The following KCTD8 variants were observed in gnomAD, a reference collection of about 807,000 sequenced individuals.
KCTD8 encodes potassium channel tetramerization domain containing 8, also known as BTB/POZ domain-containing protein KCTD8.
In KCTD8, 27 loss-of-function variants were observed where a neutral mutation model predicts 31.5. The observed-to-expected ratio is 0.86, with a 90% confidence interval of 0.63 to 1.18. The LOEUF is 1.18. Among genes scored for constraint, KCTD8 ranks in the 50% most tolerant of loss-of-function variants. The pLI is 0.00. For missense variants in KCTD8, 658 were observed against 647.7 expected, an observed-to-expected ratio of 1.02 and a Z score of -0.17; for synonymous variants, 290 against 280.0, an observed-to-expected ratio of 1.04 and a Z score of -0.36.
chr4:44,416,224 G>A (rs188533911), intron 1 of KCTD8, among the ~76,000 whole-genome samples: 4 of 152,278 alleles, frequency 2.6e-5, no homozygotes, highest in East Asian at 1.9e-4. Context: ...TTTTAGAAGA[G>A]GAATGTTTGT....
intron 1 of KCTD8, among the ~76,000 whole-genome samples, chr4:44,436,112 T>C (rs1721637712): frequency 6.6e-6 from 1 of 152,096 alleles, no homozygotes; most frequent in South Asian, 2.1e-4. Context: ...CTGACACCAC[T>C]CACATCAACT....
At chr4:44,301,665 G>A (rs573863697) in intron 1 of KCTD8, among the ~76,000 whole-genome samples, 1 of 152,186 alleles carries the variant, frequency 6.6e-6, no homozygotes. Flanking sequence ...CATTTCATAG[G>A]TTGCCTGTTC....
At chr4:44,179,909 T>C (rs1422601790) in intron 1 of KCTD8, among the ~76,000 whole-genome samples, 1 of 152,166 alleles carries the variant, frequency 6.6e-6, no homozygotes, top group Non-Finnish European at 1.5e-5. Flanking sequence ...TTACTCTAGT[T>C]GCCCAGTTTT....
intron 1 of KCTD8, among the ~76,000 whole-genome samples, chr4:44,246,048 C>T (rs144544998): frequency 1.3e-5 from 2 of 151,938 alleles, no homozygotes; most frequent in East Asian, 1.9e-4. Context: ...AATGTCTGAC[C>T]CCCAAAATTA....
chr4:44,382,585 C>G (rs112909260), intron 1 of KCTD8, among the ~76,000 whole-genome samples: 1 of 151,594 alleles, frequency 6.6e-6, no homozygotes, highest in Non-Finnish European at 1.5e-5. Context: ...AAAAAATTAC[C>G]CGGGCGTGGT....
intron 1 of KCTD8, among the ~76,000 whole-genome samples, chr4:44,347,502 G>A (rs1719064475): frequency 6.6e-6 from 1 of 152,172 alleles, no homozygotes; most frequent in East Asian, 1.9e-4. Flanking sequence ...GATCCTGGAA[G>A]AGGAGTTCCA....
rs1280175125 is a variant in KCTD8 at position 44,447,776 on chromosome 4, C to T, written c.748G>A (p.Asp250Asn). The change falls in exon 1 of 2, where the codon GAC (aspartate) becomes AAC (asparagine). Residue 250 changes from aspartate to asparagine, a missense_variant. Transcript: ENST00000360029. Reference protein sequence around the residue: ...RIALAKEVFGDTLNESRDPDR... With the variant: ...RIALAKEVFGNTLNESRDPDR... ...GGGTCGCGGCTCTCGTTGAGCGTGTCCCCGAAGACCTCCTTGGCCAGCGCG... is the reference window on the plus strand; with the variant it reads ...GGGTCGCGGCTCTCGTTGAGCGTGTTCCCGAAGACCTCCTTGGCCAGCGCG... The T allele has an allele frequency of 6.2e-7, 1 of 1,610,764 alleles. No homozygotes were observed. Among genetic ancestry groups the T allele is most frequent in the African/African-American group, 1.3e-5 (1 of 75,008 alleles).
At chr4:44,194,066 A>G (rs1713855731) in intron 1 of KCTD8, among the ~76,000 whole-genome samples, 1 of 152,160 alleles carries the variant, frequency 6.6e-6, no homozygotes, top group South Asian at 2.1e-4. Flanking sequence ...CTTGTCAGGT[A>G]CCATAATTTC....
At chr4:44,401,527 G>A (rs935885933) in intron 1 of KCTD8, among the ~76,000 whole-genome samples, 1 of 152,004 alleles carries the variant, frequency 6.6e-6, no homozygotes, top group African/African-American at 2.4e-5. Flanking sequence ...TCATAGTAAG[G>A]GTATAACTAA....
chr4:44,205,106 T>C (rs17641467), intron 1 of KCTD8, among the ~76,000 whole-genome samples: 18,225 of 152,182 alleles, frequency 0.12, 1,395 homozygotes, highest in East Asian at 0.25. Flanking sequence ...AATAAATATG[T>C]ATACATGCAA....
At chr4:44,298,132 C>A (rs893550325) in intron 1 of KCTD8, among the ~76,000 whole-genome samples, 1 of 152,034 alleles carries the variant, frequency 6.6e-6, no homozygotes, top group Non-Finnish European at 1.5e-5. Context: ...AAAATATACA[C>A]CACAAGAAGA....
chr4:44,283,025 TTTATTATTA>T (rs58754915), intron 1 of KCTD8, among the ~76,000 whole-genome samples: 3,234 of 136,270 alleles, frequency 0.024, 60 homozygotes, highest in African/African-American at 0.051. Flanking sequence ...AACAACACAT[TTTATTATTA>T]TTATTATTAT....
chr4:44,259,429 A>T (rs1577579170), intron 1 of KCTD8, among the ~76,000 whole-genome samples: 1 of 151,908 alleles, frequency 6.6e-6, no homozygotes, highest in Admixed American at 6.6e-5. Context: ...TTTCAAGTAC[A>T]TATGGCCATA....
intron 1 of KCTD8, among the ~76,000 whole-genome samples, chr4:44,320,503 C>G (rs1401149683): frequency 6.6e-6 from 1 of 152,166 alleles, no homozygotes; most frequent in East Asian, 1.9e-4. Flanking sequence ...TATGCCTACT[C>G]ATTGGGACTT....
intron 1 of KCTD8, among the ~76,000 whole-genome samples, chr4:44,265,228 G>T (rs927209069): frequency 5.3e-5 from 8 of 152,038 alleles, no homozygotes; most frequent in Non-Finnish European, 7.4e-5. Flanking sequence ...CAGCATTCAC[G>T]GTTCACGAAA....
intron 1 of KCTD8, among the ~76,000 whole-genome samples, chr4:44,200,006 C>A (rs899023477): frequency 1.4e-4 from 21 of 151,410 alleles, no homozygotes; most frequent in African/African-American, 5.1e-4. Flanking sequence ...AAAAAAGATC[C>A]TGAAAGGGTA....
chr4:44,330,024 G>C (rs914200629), intron 1 of KCTD8, among the ~76,000 whole-genome samples: 2 of 151,636 alleles, frequency 1.3e-5, no homozygotes, highest in Non-Finnish European at 3.0e-5. Flanking sequence ...TATACCCACT[G>C]TATGTTCTAT....
chr4:44,191,688 C>A (rs1017901835), intron 1 of KCTD8, among the ~76,000 whole-genome samples: 13 of 152,072 alleles, frequency 8.5e-5, no homozygotes, highest in Non-Finnish European at 1.9e-4. Flanking sequence ...GGGAAAAAAT[C>A]CCGCCCTGGT....
In KCTD8 at chr4:44,444,798, G is replaced by C. The variant is rs181137772; in HGVS notation, c.961+2765C>G. ...CTCAGGTGTGGTGGGGGTGACGGGG[G>C]TTGGGGGGGAATAACATTGATGCTC... is the stretch of plus-strand genomic sequence containing the variant. On this transcript the variant is annotated intron_variant, in intron 1 of 1. Transcript: ENST00000360029. Among the ~76,000 whole-genome samples, 679 of 135,520 alleles carry C rather than the reference G, an allele frequency of 5.0e-3. 5 individuals are homozygous for C. Among genetic ancestry groups the C allele is most frequent in the African/African-American group, 0.018 (650 of 35,752 alleles). 88.9% of individuals were successfully genotyped at this position (135,520 alleles called of 152,430 possible). A position where few individuals can be genotyped will look rare whatever the true frequency, so the allele number is the denominator to read the frequency against.
Sources: gnomAD v4.1 joint callset for allele counts (sites outside exome capture counted in the v4.1 genomes callset) on GRCh38, gnomAD v4.1.1 for gene constraint, MANE v1.5 for transcripts, NCBI Gene and HGNC (gene_info 2026-07-23, HGNC 2026-07-21) for gene names.